The following DAPK1 variants were observed in gnomAD, a reference collection of about 807,000 sequenced individuals.
The protein encoded by DAPK1 is death associated protein kinase 1.
Under a neutral mutation model 144.9 loss-of-function variants are expected in DAPK1, and 56 were observed. That is an observed-to-expected ratio of 0.39 (90% confidence interval 0.31 to 0.48). The LOEUF is 0.48. Among genes scored for constraint, DAPK1 ranks in the 20% least tolerant of loss-of-function variants. The pLI is 0.95. For missense variants in DAPK1, 1,454 were observed against 1,875.4 expected, an observed-to-expected ratio of 0.78 and a Z score of 4.15; for synonymous variants, 690 against 749.0, an observed-to-expected ratio of 0.92 and a Z score of 1.29.
At chr9:87,632,290 T>C in intron 3 of DAPK1, 1 of 981,740 alleles carries the variant, frequency 1.0e-6, no homozygotes, top group Non-Finnish European at 1.2e-6. Context: ...GGAGGATGAG[T>C]ACACATGTAG....
chr9:87,664,509 C>G (rs1231910135), intron 18 of DAPK1, among the ~76,000 whole-genome samples: 2 of 152,226 alleles, frequency 1.3e-5, no homozygotes, highest in Non-Finnish European at 2.9e-5. Context: ...CATCAACATT[C>G]ACCTCCAGCC....
At chr9:87,533,142 A>G (rs564805564) in intron 2 of DAPK1, among the ~76,000 whole-genome samples, 50 of 152,344 alleles carry the variant, frequency 3.3e-4, no homozygotes, top group Middle Eastern at 3.4e-3. Flanking sequence ...ACACATTGTA[A>G]ATTTTGTGTA....
In DAPK1 at chr9:87,497,993, C is replaced by G. The variant is rs925036620; in HGVS notation, c.-223C>G. ...GGCGCCTGGGAGGGATCTGCGCCCC[C>G]CACTCACTCCCTAGCTGTGTTCCCG... is the stretch of plus-strand genomic sequence containing the variant. On this transcript the variant is annotated 5_prime_UTR_variant, in exon 1 of 26. Transcript: ENST00000408954. 2.5e-6 allele frequency: 1 copy of G among 397,488 alleles called. No individual in the cohort carries two copies. Among genetic ancestry groups the G allele is most frequent in the East Asian group, 3.6e-5 (1 of 28,004 alleles). 24.6% of individuals were successfully genotyped at this position (397,488 alleles called of 1,614,324 possible). A position where few individuals can be genotyped will look rare whatever the true frequency, so the allele number is the denominator to read the frequency against.
At chr9:87,589,399 A>G (rs1168971441) in intron 2 of DAPK1, among the ~76,000 whole-genome samples, 1 of 152,116 alleles carries the variant, frequency 6.6e-6, no homozygotes, top group Non-Finnish European at 1.5e-5. Flanking sequence ...TGTCATGCAT[A>G]TAATCAGCAT....
rs36211352 is a variant in DAPK1 at position 87,639,678 on chromosome 9, T to C, written c.582T>C (p.Leu194=). 3 of 1,614,242 alleles carry C rather than the reference T, an allele frequency of 1.9e-6. No individual in the cohort carries two copies. Among genetic ancestry groups the C allele is most frequent in the Non-Finnish European group, 2.5e-6 (3 of 1,180,038 alleles). The change falls in exon 6 of 26, where the codon CTT becomes CTC. Residue 194 remains leucine (L), a synonymous_variant. Coordinates refer to ENST00000408954, the MANE Select transcript of DAPK1 (RefSeq NM_004938.4). The stretch of plus-strand genomic sequence containing the variant: ...CTGAGATAGTCAACTATGAACCTCT[T>C]GGTCTTGAGGCAGATATGTGGTAAG... ...VAPEIVNYEP[L]GLEADMWSIG...
At chr9:87,681,362 T>C in intron 19 of DAPK1, 42 bp from the exon 20 acceptor site, 2 of 1,043,778 alleles carry the variant, frequency 1.9e-6, no homozygotes, top group Non-Finnish European at 3.0e-6. Flanking sequence ...ATTATTTGCC[T>C]CTTTTTCTGT....
chr9:87,661,005 C>A (rs1830825875), intron 18 of DAPK1, among the ~76,000 whole-genome samples: 1 of 152,056 alleles, frequency 6.6e-6, no homozygotes, highest in African/African-American at 2.4e-5. Flanking sequence ...CCACCATGCC[C>A]ATTTTTGTAT....
chr9:87,697,760 C>T (rs1430190127), intron 22 of DAPK1, among the ~76,000 whole-genome samples: 2 of 152,210 alleles, frequency 1.3e-5, no homozygotes, highest in Non-Finnish European at 2.9e-5. Flanking sequence ...CAAGACCAGC[C>T]TGGCCCACAT....
chr9:87,561,660 G>A (rs1235452990), intron 2 of DAPK1, among the ~76,000 whole-genome samples: 3 of 152,296 alleles, frequency 2.0e-5, no homozygotes, highest in South Asian at 2.1e-4. Context: ...CTGCCCTGGG[G>A]GATTCCCCTG....
intron 2 of DAPK1, among the ~76,000 whole-genome samples, chr9:87,519,616 G>A (rs1400194063): frequency 6.6e-6 from 1 of 152,154 alleles, no homozygotes; most frequent in Non-Finnish European, 1.5e-5. Context: ...ATTGGGGAGT[G>A]TCCTTCTGCC....
chr9:87,561,518 T>G (rs1826924117), intron 2 of DAPK1, among the ~76,000 whole-genome samples: 1 of 131,362 alleles, frequency 7.6e-6, no homozygotes, highest in Non-Finnish European at 1.6e-5. Context: ...AGAGCGAGAC[T>G]CCGTCTCAAA....
intron 2 of DAPK1, among the ~76,000 whole-genome samples, chr9:87,511,668 T>TTGTGTGTGTGTGTGTGTGTGTGTG (rs59377718): frequency 2.8e-5 from 4 of 140,744 alleles, no homozygotes; most frequent in East Asian, 4.3e-4. Context: ...TCTTTTTCTT[T>TTGTGTGTGTGTGTGTGTGTGTGTG]TGTGTGTGTG....
intron 2 of DAPK1, among the ~76,000 whole-genome samples, chr9:87,565,347 C>T (rs1827082856): frequency 6.6e-6 from 1 of 152,206 alleles, no homozygotes; most frequent in Non-Finnish European, 1.5e-5. Context: ...CAACCCCATC[C>T]TCTGTCCAGA....
Position 87,653,683 on chromosome 9 carries a change from A to T in DAPK1, c.1824+1959A>T, listed in dbSNP as rs1217694070. On this transcript the variant is annotated intron_variant, in intron 17 of 25. Transcript: ENST00000408954. ...CTTTTTTATTTTATTTATTTATTTT[A>T]TTTATTATCATTATTATTATTTTTT... Among the ~76,000 whole-genome samples the T allele has an allele frequency of 2.6e-4, 36 of 140,446 alleles. No homozygotes were observed. The Admixed American group carries it at 2.8e-3, about 11-fold the overall frequency. 92.1% of individuals were successfully genotyped at this position (140,446 alleles called of 152,430 possible).
intron 19 of DAPK1, among the ~76,000 whole-genome samples, chr9:87,672,095 G>A (rs553048065): frequency 4.6e-5 from 7 of 152,184 alleles, no homozygotes; most frequent in African/African-American, 1.7e-4. Context: ...TGGATGGGTC[G>A]ATGTAGATGA....
chr9:87,557,991 C>T (rs1397787058), intron 2 of DAPK1, among the ~76,000 whole-genome samples: 1 of 152,168 alleles, frequency 6.6e-6, no homozygotes, highest in Non-Finnish European at 1.5e-5. Context: ...AGGCGTGTCT[C>T]TTGTTGGATA....
At chr9:87,511,206 T>C (rs892759832) in intron 2 of DAPK1, among the ~76,000 whole-genome samples, 13 of 152,190 alleles carry the variant, frequency 8.5e-5, no homozygotes, top group Non-Finnish European at 1.6e-4. Context: ...GCTTGTCTGT[T>C]CCATTTTTCT....
At chr9:87,532,523 T>C (rs1171207694) in intron 2 of DAPK1, among the ~76,000 whole-genome samples, 1 of 152,232 alleles carries the variant, frequency 6.6e-6, no homozygotes, top group East Asian at 1.9e-4. Context: ...CTTTATCCTA[T>C]GTTTTTTAAG....
Position 87,605,049 on chromosome 9 carries a change from G to A in DAPK1, c.158G>A (p.Arg53Gln), listed in dbSNP as rs759575186. Residue 53 changes from arginine (R) to glutamine (Q), a missense_variant, in exon 3 of 26, where the codon CGG (arginine) becomes CAG (glutamine). Around this residue, in one of 2 missense-constraint regions of DAPK1, gnomAD observed 429 missense variants for 637.5 expected, o/e 0.67. Coordinates refer to ENST00000408954, the MANE Select transcript of DAPK1 (RefSeq NM_004938.4). ...AAGAAAAGGAGGACTAAGTCCAGCCGGCGGGGTGTGAGCCGCGAGGACATC... is the reference window on the plus strand; with the variant it reads ...AAGAAAAGGAGGACTAAGTCCAGCCAGCGGGGTGTGAGCCGCGAGGACATC... ...FIKKRRTKSS[R>Q]RGVSREDIER... The A allele has an allele frequency of 1.1e-5, 18 of 1,614,068 alleles. No homozygotes were observed. Among genetic ancestry groups the A allele is most frequent in the Admixed American group, 3.3e-5 (2 of 59,994 alleles).
Sources: gnomAD v4.1 joint callset for allele counts (sites outside exome capture counted in the v4.1 genomes callset) on GRCh38, gnomAD v4.1.1 for gene constraint, gnomAD v4.1.1 regional missense constraint, MANE v1.5 for transcripts, NCBI Gene and HGNC (gene_info 2026-07-23, HGNC 2026-07-21) for gene names.